PDE11A: variants seen among roughly 807,000 people sequenced by gnomAD.
The protein encoded by PDE11A is dual 3',5'-cyclic-AMP and -GMP phosphodiesterase 11A.
PDE11A carries 100 observed loss-of-function variants against 100.5 expected under a neutral mutation model. That is an observed-to-expected ratio of 1.00 (90% CI 0.85 to 1.18). PDE11A has a LOEUF of 1.18. PDE11A is among the 50% of genes most tolerant of loss of function. The pLI is 0.00. For synonymous variants in PDE11A, 381 were observed against 420.8 expected, an observed-to-expected ratio of 0.91 and a Z score of 1.16; for missense variants, 1,141 against 1,152.6, an observed-to-expected ratio of 0.99 and a Z score of 0.15.
At chr2:177,934,928 A>G (rs1051814217) in intron 2 of PDE11A, among the ~76,000 whole-genome samples, 1 of 152,176 alleles carries the variant, frequency 6.6e-6, no homozygotes, top group Admixed American at 6.5e-5. Flanking sequence ...TCATGGATGT[A>G]AAGATAGCAA....
At chr2:177,686,397 T>C (rs148022954) in intron 15 of PDE11A, among the ~76,000 whole-genome samples, 112 of 152,126 alleles carry the variant, frequency 7.4e-4, no homozygotes, top group African/African-American at 2.4e-3. Context: ...TGGGATTCCG[T>C]CTCTAGAAAA....
intron 4 of PDE11A, among the ~76,000 whole-genome samples, chr2:177,881,353 A>ATCTG (rs1444155172): frequency 6.6e-6 from 1 of 150,968 alleles, no homozygotes; most frequent in Non-Finnish European, 1.5e-5. Context: ...CTATCTATCT[A>ATCTG]TCTATCTATC....
chr2:177,705,561 T>G (rs1248423396), intron 13 of PDE11A, among the ~76,000 whole-genome samples: 1 of 152,182 alleles, frequency 6.6e-6, no homozygotes, highest in Non-Finnish European at 1.5e-5. Flanking sequence ...AGGTGGAAAT[T>G]TCCCTATAGG....
At chr2:177,863,695 T>C (rs1455247965) in intron 5 of PDE11A, among the ~76,000 whole-genome samples, 1 of 129,864 alleles carries the variant, frequency 7.7e-6, no homozygotes, top group African/African-American at 2.5e-5. Flanking sequence ...AGATGACAAA[T>C]GTTGGTGAGG....
chr2:177,713,987 C>CTTTTTTTTTTTTTTTT lies in PDE11A; in HGVS notation c.2044-2125_2044-2110dup, dbSNP rs57211363. On this transcript the variant is annotated intron_variant, in intron 12 of 19. Transcript: ENST00000286063. The stretch of plus-strand genomic sequence containing the variant: ...TCCCACCATATTTCTTTTCTTTTTT[C>CTTTTTTTTTTTTTTTT]TTTTTTTTTTTTTTTTTTTTTTTTG... Among the ~76,000 whole-genome samples, 178 of 77,410 alleles carry CTTTTTTTTTTTTTTTT rather than the reference C, an allele frequency of 2.3e-3. 12 individuals carry two copies. The highest frequency in any genetic ancestry group is 2.8e-3 in the East Asian group (6 of 2,158). 50.8% of individuals were successfully genotyped at this position (77,410 alleles called of 152,430 possible).
intron 5 of PDE11A, among the ~76,000 whole-genome samples, chr2:177,869,437 C>T (rs771657078): frequency 6.6e-6 from 1 of 152,194 alleles, no homozygotes; most frequent in Non-Finnish European, 1.5e-5. Context: ...TTTAAACCAG[C>T]AACATTTGTT....
chr2:177,722,005 C>T (rs537236127), intron 12 of PDE11A, among the ~76,000 whole-genome samples: 139 of 152,244 alleles, frequency 9.1e-4, no homozygotes, highest in South Asian at 5.4e-3. Flanking sequence ...AAAATGGAGG[C>T]TGTGATAAAT....
At chr2:178,044,346 T>C (rs2086717809) in intron 1 of PDE11A, among the ~76,000 whole-genome samples, 1 of 148,970 alleles carries the variant, frequency 6.7e-6, no homozygotes, top group Non-Finnish European at 1.5e-5. Flanking sequence ...AGAAAGTGTA[T>C]ATAGATATAT....
chr2:177,788,730 T>A (rs780025792), intron 9 of PDE11A, among the ~76,000 whole-genome samples: 1 of 151,876 alleles, frequency 6.6e-6, no homozygotes, highest in Non-Finnish European at 1.5e-5. Flanking sequence ...CCACAGAAAT[T>A]CAAACTACCA....
chr2:177,998,134 A>G (rs944861983), intron 2 of PDE11A: 2 of 1,154,248 alleles, frequency 1.7e-6, no homozygotes, highest in Admixed American at 3.4e-5. Flanking sequence ...CAACTTTACA[A>G]GTTGCTGTCT....
At chr2:177,683,291 T>TA (rs1238654759) in intron 15 of PDE11A, 1 of 152,356 alleles carries the variant, frequency 6.6e-6, no homozygotes, top group Non-Finnish European at 1.5e-5. Context: ...AAGACAACCT[T>TA]ACGGCAACTG....
upstream of PDE11A, chr2:178,072,778 G>C: frequency 1.6e-6 from 2 of 1,254,696 alleles, no homozygotes; most frequent in South Asian, 1.5e-5. Context: ...TGCTGTAACC[G>C]GATGAGTGGA....
At chr2:177,847,197 T>C (rs1194195253) in intron 5 of PDE11A, among the ~76,000 whole-genome samples, 2 of 152,164 alleles carry the variant, frequency 1.3e-5, no homozygotes, top group South Asian at 2.1e-4. Flanking sequence ...GTTCTCTCCA[T>C]GGGGTCTGAG....
At chr2:177,817,954 A>G (rs1357008420) in intron 7 of PDE11A, 29 bp from the exon 8 acceptor site, 1 of 1,038,184 alleles carries the variant, frequency 9.6e-7, no homozygotes, top group Non-Finnish European at 1.5e-6. Flanking sequence ...TTATGTGGTC[A>G]TTTTTAGTAC....
At chr2:177,844,233 G>A (rs2083541685) in intron 5 of PDE11A, among the ~76,000 whole-genome samples, 1 of 152,140 alleles carries the variant, frequency 6.6e-6, no homozygotes. Context: ...CAAGGCACTG[G>A]CAGATTCAGT....
intron 3 of PDE11A, among the ~76,000 whole-genome samples, chr2:177,899,008 G>C (rs2084657768): frequency 6.6e-6 from 1 of 152,146 alleles, no homozygotes; most frequent in Non-Finnish European, 1.5e-5. Context: ...TTTAAAACTA[G>C]ATTCTGATTA....
chr2:177,790,258 TG>T (rs1195129862), intron 9 of PDE11A, among the ~76,000 whole-genome samples: 1 of 150,498 alleles, frequency 6.6e-6, no homozygotes, highest in Non-Finnish European at 1.5e-5. Context: ...ATCTGATCTT[TG>T]ACAAACCTGA....
rs746795307 is a variant in PDE11A, at chr2:177,876,383, C to T, written c.1303-460G>A. Among the ~76,000 whole-genome samples the T allele has an allele frequency of 5.3e-5, 7 of 131,160 alleles. 1 individual carries two copies. Among genetic ancestry groups the T allele is most frequent in the East Asian group, 2.0e-4 (1 of 5,092 alleles). The allele number at this position is 131,160 out of a possible 152,430, so 86.0% of individuals were successfully genotyped here. A position where few individuals can be genotyped will look rare whatever the true frequency, so the allele number is the denominator to read the frequency against. ...CTCATCATTGTTCTCAGGTGAGCTT[C>T]GTGGTACCACCACCTAAAGGGTAAA... On this transcript the variant is annotated intron_variant, in intron 4 of 19. Coordinates refer to ENST00000286063, the MANE Select transcript of PDE11A (RefSeq NM_016953.4).
At chr2:177,721,564 G>T (rs937002045) in intron 12 of PDE11A, among the ~76,000 whole-genome samples, 24 of 152,122 alleles carry the variant, frequency 1.6e-4, no homozygotes, top group African/African-American at 5.3e-4. Context: ...GGAACCAAAA[G>T]AAAAATATCA....
Sources: gnomAD v4.1 joint callset for allele counts (sites outside exome capture counted in the v4.1 genomes callset) on GRCh38, gnomAD v4.1.1 for gene constraint, MANE v1.5 for transcripts, NCBI Gene and HGNC (gene_info 2026-07-23, HGNC 2026-07-21) for gene names.